Variants in LRRTM4 observed in about 807,000 individuals in gnomAD.
LRRTM4 encodes leucine rich repeat transmembrane neuronal 4.
Under a neutral mutation model 47.6 loss-of-function variants are expected in LRRTM4, and 25 were observed. The ratio of observed to expected loss-of-function variants is 0.53; its 90% CI spans 0.38 to 0.73. The LOEUF is 0.73. Among genes scored for constraint, LRRTM4 ranks in the 30% least tolerant of loss-of-function variants. The pLI is 0.00. For synonymous variants in LRRTM4, 311 were observed against 269.5 expected, an observed-to-expected ratio of 1.15 and a Z score of -1.51; for missense variants, 638 against 713.4, an observed-to-expected ratio of 0.89 and a Z score of 1.20.
intron 3 of LRRTM4, among the ~76,000 whole-genome samples, chr2:77,314,707 G>T (rs185045398): frequency 2.0e-4 from 30 of 152,230 alleles, no homozygotes; most frequent in African/African-American, 5.3e-4. Context: ...AATTACCCAG[G>T]ATATACAGAG....
intron 3 of LRRTM4, among the ~76,000 whole-genome samples, chr2:77,277,796 C>T (rs1038687248): frequency 6.6e-6 from 1 of 151,976 alleles, no homozygotes; most frequent in Admixed American, 6.6e-5. Flanking sequence ...TTTACATTTG[C>T]TTGTCATATT....
At chr2:77,220,145 C>G (rs1573095940) in intron 3 of LRRTM4, among the ~76,000 whole-genome samples, 1 of 152,128 alleles carries the variant, frequency 6.6e-6, no homozygotes, top group African/African-American at 2.4e-5. Flanking sequence ...AGCTGAGGGT[C>G]CTGACTGTTA....
At chr2:77,119,254 T>C (rs1671465573) in intron 3 of LRRTM4, among the ~76,000 whole-genome samples, 1 of 151,872 alleles carries the variant, frequency 6.6e-6, no homozygotes. Context: ...CTTTCTTCCT[T>C]TTCCTTCTGC....
chr2:77,518,008 T>C (rs191465072), intron 3 of LRRTM4: 1 of 1,081,348 alleles, frequency 9.2e-7, no homozygotes, highest in African/African-American at 1.6e-5. Context: ...GAAAAGAGTT[T>C]TGTTTGTATG....
intron 3 of LRRTM4, among the ~76,000 whole-genome samples, chr2:77,261,571 A>AT (rs1054854350): frequency 6.6e-5 from 10 of 151,808 alleles, no homozygotes; most frequent in South Asian, 6.2e-4. Context: ...AGTCTTTATT[A>AT]TTTTTTTTAA....
chr2:76,755,457 T>C (rs1285424480), intron 3 of LRRTM4, among the ~76,000 whole-genome samples: 1 of 152,232 alleles, frequency 6.6e-6, no homozygotes, highest in African/African-American at 2.4e-5. Flanking sequence ...GAAGTGTTTT[T>C]AGTTTTTTCG....
chr2:76,886,796 C>A (rs1673089133), intron 3 of LRRTM4, among the ~76,000 whole-genome samples: 1 of 151,894 alleles, frequency 6.6e-6, no homozygotes, highest in Non-Finnish European at 1.5e-5. Flanking sequence ...CTTTACAATG[C>A]AACCAAGACT....
chr2:77,191,568 A>T (rs1673670324), intron 3 of LRRTM4, among the ~76,000 whole-genome samples: 1 of 151,938 alleles, frequency 6.6e-6, no homozygotes, highest in African/African-American at 2.4e-5. Context: ...ATTTTAAATT[A>T]AAACTCTATT....
chr2:77,255,255 G>A (rs1183354887), intron 3 of LRRTM4, among the ~76,000 whole-genome samples: 3 of 151,916 alleles, frequency 2.0e-5, no homozygotes, highest in African/African-American at 7.2e-5. Flanking sequence ...ACCAAAGAGA[G>A]ATACAAAATA....
intron 3 of LRRTM4, among the ~76,000 whole-genome samples, chr2:76,940,667 T>C (rs1376198051): frequency 6.6e-6 from 1 of 152,110 alleles, no homozygotes; most frequent in East Asian, 1.9e-4. Context: ...AAATATTTTG[T>C]TGTTGTTGTT....
chr2:76,862,579 C>T (rs771325978), intron 3 of LRRTM4, among the ~76,000 whole-genome samples: 5 of 151,992 alleles, frequency 3.3e-5, no homozygotes, highest in Admixed American at 2.0e-4. Flanking sequence ...CCTTCCTGAC[C>T]GAAAGAAAAA....
intron 3 of LRRTM4, among the ~76,000 whole-genome samples, chr2:77,161,848 T>C (rs1440052295): frequency 1.3e-5 from 2 of 152,180 alleles, no homozygotes; most frequent in African/African-American, 2.4e-5. Flanking sequence ...AACTCTAGTA[T>C]TTTGAGGTTA....
intron 3 of LRRTM4, among the ~76,000 whole-genome samples, chr2:77,440,142 C>T (rs1397086167): frequency 2.0e-5 from 3 of 152,068 alleles, no homozygotes; most frequent in East Asian, 1.9e-4. Flanking sequence ...AGGCCGGGCG[C>T]GGTGGCTCAC....
rs540747767 is a variant in LRRTM4 at position 77,215,554 on chromosome 2, A to T, written c.1551+302764T>A. ...AACTATTCTTGGTATCTCCTCATTAAATACAAATTGGCTTATTCTATCATA... is the reference window on the plus strand; with the variant it reads ...AACTATTCTTGGTATCTCCTCATTATATACAAATTGGCTTATTCTATCATA... On this transcript the variant is annotated intron_variant, in intron 3 of 3. Transcript: ENST00000409884. Among the ~76,000 whole-genome samples the T allele has an allele frequency of 9.9e-5, 15 of 152,284 alleles. 1 individual carries two copies. Among genetic ancestry groups the T allele is most frequent in the Admixed American group, 5.9e-4 (9 of 15,296 alleles).
chr2:77,101,954 G>A (rs928042129), intron 3 of LRRTM4, among the ~76,000 whole-genome samples: 6 of 152,020 alleles, frequency 3.9e-5, no homozygotes, highest in African/African-American at 1.2e-4. Context: ...TCCCACATTC[G>A]CTTAGTCCAT....
At chr2:77,171,300 G>C (rs12713897) in intron 3 of LRRTM4, among the ~76,000 whole-genome samples, 72,482 of 151,794 alleles carry the variant, frequency 0.48, 18,795 homozygotes, top group Admixed American at 0.59. Context: ...TTTTTGAGAT[G>C]GAGTCTACCT....
chr2:77,362,115 GAGAAAGAAAGAAAGAAAGAAAGAA>G (rs1230993221), intron 3 of LRRTM4, among the ~76,000 whole-genome samples: 2 of 98,778 alleles, frequency 2.0e-5, no homozygotes, highest in East Asian at 6.0e-4. Context: ...GAAAGAAAGA[GAGAAAGAAAGAAAGAAAGAAAGAA>G]AGAAAGAAAG....
intron 3 of LRRTM4, among the ~76,000 whole-genome samples, chr2:77,489,846 C>G (rs147116936): frequency 6.6e-6 from 1 of 152,312 alleles, no homozygotes; most frequent in Non-Finnish European, 1.5e-5. Context: ...AACTTTGTGT[C>G]TAAAAGTAAC....
intron 3 of LRRTM4, among the ~76,000 whole-genome samples, chr2:77,044,828 T>G (rs926494233): frequency 6.6e-6 from 1 of 151,764 alleles, no homozygotes; most frequent in Non-Finnish European, 1.5e-5. Flanking sequence ...TGAATATATA[T>G]GCATGTAGGT....
Sources: allele counts gnomAD v4.1 joint callset (sites outside exome capture counted in the v4.1 genomes callset), GRCh38; gene constraint gnomAD v4.1.1; transcripts MANE v1.5; gene names NCBI Gene and HGNC (gene_info 2026-07-23, HGNC 2026-07-21).